ARK2C: variants seen among roughly 807,000 people sequenced by gnomAD.
The protein encoded by ARK2C is arkadia (RNF111) C-terminal like ring finger ubiquitin ligase 2C.
the ARK2C span, chr18:46,334,475 A>C: frequency 0.77 from 501,803 of 652,052 alleles, 193,757 homozygotes; most frequent in East Asian, 0.87. The surrounding 1 kb of genome is among the most constrained non-coding windows in gnomAD (Gnocchi z 4.4). Context: ...CCCCCACCCC[A>C]TTTTAGGGGG....
the ARK2C span, among the ~76,000 whole-genome samples, chr18:46,421,570 T>C: frequency 3.3e-5 from 5 of 152,348 alleles, no homozygotes; most frequent in East Asian, 7.7e-4. Flanking sequence ...TTGGTTTAGA[T>C]GGGGAAAGTA....
the ARK2C span, among the ~76,000 whole-genome samples, chr18:46,391,585 G>A: frequency 6.6e-6 from 1 of 152,026 alleles, no homozygotes. Context: ...GAGCAGGGTA[G>A]TTTGCACAGC....
the ARK2C span, chr18:46,450,289 C>T: frequency 1.2e-6 from 2 of 1,605,498 alleles, no homozygotes; most frequent in Admixed American, 3.3e-5. Context: ...CGTTTTCTAC[C>T]CAACAGGTCG....
chr18:46,334,958 C>T, the ARK2C span: 1 of 152,594 alleles, frequency 6.6e-6, no homozygotes, highest in Non-Finnish European at 1.5e-5. The surrounding 1 kb of genome is among the most constrained non-coding windows in gnomAD (Gnocchi z 4.4). Flanking sequence ...TTTTGTGCAT[C>T]GCCCTTGTGC....
At chr18:46,372,166 C>T in the ARK2C span, among the ~76,000 whole-genome samples, 3 of 152,158 alleles carry the variant, frequency 2.0e-5, no homozygotes, top group Admixed American at 6.5e-5. Context: ...CGGGGCTATA[C>T]CTCAATACTG....
the ARK2C span, among the ~76,000 whole-genome samples, chr18:46,444,425 C>G: frequency 1.3e-5 from 2 of 151,972 alleles, no homozygotes; most frequent in African/African-American, 2.4e-5. Context: ...TACTGAGACT[C>G]TGTTAATTTT....
the ARK2C span, among the ~76,000 whole-genome samples, chr18:46,400,381 T>C: frequency 2.0e-5 from 3 of 152,224 alleles, no homozygotes; most frequent in Admixed American, 6.5e-5. Context: ...TCCCAGTGCA[T>C]AGATATGGCT....
At chr18:46,448,253 T>A in the ARK2C span, among the ~76,000 whole-genome samples, 1 of 151,618 alleles carries the variant, frequency 6.6e-6, no homozygotes, top group Non-Finnish European at 1.5e-5. Context: ...CCCCATGCCC[T>A]GACTCCCTTG....
At chr18:46,407,056 G>A in the ARK2C span, among the ~76,000 whole-genome samples, 28 of 151,984 alleles carry the variant, frequency 1.8e-4, no homozygotes, top group African/African-American at 6.8e-4. Context: ...CTTTTGCCTC[G>A]GCCTCTACCA....
At chr18:46,371,091 C>A in the ARK2C span, among the ~76,000 whole-genome samples, 1 of 152,138 alleles carries the variant, frequency 6.6e-6, no homozygotes, top group South Asian at 2.1e-4. Flanking sequence ...TGGTGGCAGG[C>A]AAGAGGGTGT....
chr18:46,396,798 G>C, the ARK2C span, among the ~76,000 whole-genome samples: 1,422 of 152,326 alleles, frequency 9.3e-3, 22 homozygotes, highest in African/African-American at 0.032. Context: ...GGACAGCTCA[G>C]GGCATCCAAG....
At chr18:46,351,962 G>T in the ARK2C span, among the ~76,000 whole-genome samples, 1 of 152,164 alleles carries the variant, frequency 6.6e-6, no homozygotes, top group Non-Finnish European at 1.5e-5. Context: ...TTTCTCCTAG[G>T]GGTGGGTATA....
At chr18:46,443,464 A>G in the ARK2C span, among the ~76,000 whole-genome samples, 13 of 152,190 alleles carry the variant, frequency 8.5e-5, no homozygotes, top group Non-Finnish European at 1.8e-4. Flanking sequence ...ATCCTTTGCT[A>G]CTTCTTTTGT....
chr18:46,356,681 G>C, the ARK2C span, among the ~76,000 whole-genome samples: 1 of 152,130 alleles, frequency 6.6e-6, no homozygotes, highest in Non-Finnish European at 1.5e-5. Context: ...GCAGCTGAAG[G>C]TTGAGAGGGT....
the ARK2C span, among the ~76,000 whole-genome samples, chr18:46,420,034 T>C: frequency 1.3e-5 from 2 of 152,054 alleles, no homozygotes; most frequent in African/African-American, 4.8e-5. Context: ...GGAATCTAAT[T>C]TTACTGACCC....
At chr18:46,336,514 G>A in the ARK2C span, 1 of 985,410 alleles carries the variant, frequency 1.0e-6, no homozygotes, top group Non-Finnish European at 1.2e-6. Flanking sequence ...AATGTGATAA[G>A]AGTTCATGAC....
the ARK2C span, among the ~76,000 whole-genome samples, chr18:46,371,901 T>C: frequency 6.6e-6 from 1 of 152,212 alleles, no homozygotes; most frequent in Non-Finnish European, 1.5e-5. Flanking sequence ...GGGACATTCA[T>C]GGGTTCATCA....
chr18:46,347,375 A>G, the ARK2C span, among the ~76,000 whole-genome samples: 17 of 152,172 alleles, frequency 1.1e-4, no homozygotes, highest in South Asian at 3.5e-3. Flanking sequence ...ATCCTGCTGA[A>G]ATTCTCTGCC....
the ARK2C span, among the ~76,000 whole-genome samples, chr18:46,387,790 G>T: frequency 6.6e-6 from 1 of 152,250 alleles, no homozygotes; most frequent in Non-Finnish European, 1.5e-5. Context: ...TCAGGGATCT[G>T]TGTGCACCCA....
Sources: allele counts gnomAD v4.1 joint callset (sites outside exome capture counted in the v4.1 genomes callset), GRCh38; gene constraint gnomAD v4.1.1; non-coding constraint Gnocchi (gnomAD v3.1); transcripts MANE v1.5; gene names NCBI Gene and HGNC (gene_info 2026-07-23, HGNC 2026-07-21).